The following PXDN variants were observed in gnomAD, a reference collection of about 807,000 sequenced individuals.
PXDN encodes peroxidasin homolog.
A neutral mutation model predicts 140.3 loss-of-function variants in PXDN; 77 were observed. The ratio of observed to expected loss-of-function variants is 0.55; its 90% CI spans 0.46 to 0.66. The LOEUF (loss-of-function observed/expected upper bound fraction) is 0.66. PXDN is among the 30% of genes least tolerant of loss of function. The pLI, the probability that PXDN is intolerant of heterozygous loss-of-function variation, is 0.00. For missense variants in PXDN, 1,838 were observed against 2,039.5 expected (o/e 0.90, Z 1.90); for synonymous variants, 911 against 857.4 (o/e 1.06, Z -1.09).
intron 1 of PXDN, among the ~76,000 whole-genome samples, chr2:1,696,445 GAAACCATAA>G: frequency 6.6e-6 from 1 of 152,004 alleles, no homozygotes; most frequent in East Asian, 1.9e-4. Context: ...AAGACAAAGT[GAAACCATAA>G]AAAAAGAACC....
chr2:1,661,361 C>G (rs764084065), intron 13 of PXDN, among the ~76,000 whole-genome samples: 1 of 152,138 alleles, frequency 6.6e-6, no homozygotes, highest in African/African-American at 2.4e-5. Context: ...GGGGGCCCTA[C>G]AAAGAGACCT....
In PXDN at chr2:1,691,982, T is replaced by G. The variant is rs780263020; in HGVS notation, c.290A>C (p.Gln97Pro). 1 of 1,524,632 alleles carries G rather than the reference T, an allele frequency of 6.6e-7. No homozygotes were observed. Among genetic ancestry groups the G allele is most frequent in the South Asian group, 1.3e-5 (1 of 78,800 alleles). The allele number at this position is 1,524,632 out of a possible 1,614,324, so 94.4% of individuals were successfully genotyped here. A position where few individuals can be genotyped will look rare whatever the true frequency, so the allele number is the denominator to read the frequency against. ...TGCTCCACTAGGTATCCTCTTGATC[T>G]GATTATTATTGAGAAGCCTATGAAA... ...NLNTLLLNNNQIKRIPSGAFE... is the reference protein window; with the variant it reads ...NLNTLLLNNNPIKRIPSGAFE... Residue 97 changes from glutamine (Q) to proline (P), a missense_variant, in exon 3 of 23, where the codon CAG (glutamine) becomes CCG (proline). Gln to Pro is a moderately conservative substitution (Grantham distance 76). Around this residue, in one of 5 missense-constraint regions of PXDN, gnomAD observed 231 missense variants for 201.5 expected, o/e 1.15. Transcript: ENST00000252804.
chr2:1,660,871 G>A lies in PXDN; in HGVS notation c.1837+10C>T. ...ACCATGTGGGTAGATGTGGGCATGTGGCATCTTACCATTCACACTGAGCAC... is the reference window on the plus strand; with the variant it reads ...ACCATGTGGGTAGATGTGGGCATGTAGCATCTTACCATTCACACTGAGCAC... On this transcript the variant is annotated intron_variant, in intron 14 of 22. Transcript: ENST00000252804. The surrounding 1 kb of genome is among the most constrained non-coding windows in gnomAD (Gnocchi z 4.6). 6.2e-7 allele frequency: 1 copy of A among 1,604,590 alleles called. No individual in the cohort carries two copies.
At chr2:1,670,368 T>C (rs1038447854) in intron 9 of PXDN, among the ~76,000 whole-genome samples, 1 of 152,150 alleles carries the variant, frequency 6.6e-6, no homozygotes, top group Admixed American at 6.5e-5. Flanking sequence ...AGATATCATC[T>C]AAGAAAAATC....
At chr2:1,690,182 G>A (rs1029900842) in intron 3 of PXDN, among the ~76,000 whole-genome samples, 5 of 152,178 alleles carry the variant, frequency 3.3e-5, no homozygotes, top group African/African-American at 1.2e-4. Flanking sequence ...GGGTCCCCGG[G>A]CCTCTCTGGA....
chr2:1,717,061 C>T (rs1158772226), intron 1 of PXDN, among the ~76,000 whole-genome samples: 1 of 152,200 alleles, frequency 6.6e-6, no homozygotes, highest in Non-Finnish European at 1.5e-5. Context: ...TTTAACTTGG[C>T]TAAGGTCTGT....
At chr2:1,683,780 G>A (rs1572156890) in intron 5 of PXDN, 53 bp from the exon 6 acceptor site, 1 of 1,391,754 alleles carries the variant, frequency 7.2e-7, no homozygotes, top group East Asian at 2.4e-5. Flanking sequence ...TTCTTAAAAT[G>A]TGTAGAAAAG....
chr2:1,691,829 A>C, intron 3 of PXDN, 99 bp downstream of exon 3: 1 of 725,160 alleles, frequency 1.4e-6, no homozygotes, highest in Non-Finnish European at 2.2e-6. Context: ...TTAAATGAAT[A>C]TATTTACAAT....
At chr2:1,724,448 TGAG>T (rs1685129998) in intron 1 of PXDN, among the ~76,000 whole-genome samples, 1 of 152,058 alleles carries the variant, frequency 6.6e-6, no homozygotes, top group African/African-American at 2.4e-5. Flanking sequence ...TTGTGACCAC[TGAG>T]GAGGTTAGAT....
intron 1 of PXDN, among the ~76,000 whole-genome samples, chr2:1,704,665 G>A (rs905678633): frequency 1.2e-4 from 16 of 131,070 alleles, no homozygotes; most frequent in African/African-American, 4.4e-4. Flanking sequence ...CCAGGTGAAG[G>A]GGGGGCAACT....
intron 21 of PXDN, among the ~76,000 whole-genome samples, chr2:1,638,014 A>C (rs1180321729): frequency 6.6e-6 from 1 of 152,176 alleles, no homozygotes. Context: ...GGGCAGGCAC[A>C]GGAGTAGTCA....
chr2:1,646,257 G>A (rs1339037087), intron 17 of PXDN: 1 of 152,184 alleles, frequency 6.6e-6, no homozygotes, highest in South Asian at 2.1e-4. Context: ...TCAGTGTGTG[G>A]GTAACATCCT....
intron 12 of PXDN, among the ~76,000 whole-genome samples, 196 bp downstream of exon 12, chr2:1,663,409 C>T (rs186149947): frequency 1.3e-5 from 2 of 152,150 alleles, no homozygotes; most frequent in South Asian, 2.1e-4. Flanking sequence ...TGTTTTCACC[C>T]GCTAAAGGGA....
At chr2:1,716,920 CAG>C (rs1233081912) in intron 1 of PXDN, among the ~76,000 whole-genome samples, 7 of 152,184 alleles carry the variant, frequency 4.6e-5, no homozygotes, top group Non-Finnish European at 7.3e-5. Context: ...CACAGCCCAA[CAG>C]GGGCAGAAAA....
chr2:1,649,081 C>A lies in PXDN; in HGVS notation c.2699G>T (p.Arg900Leu). The change falls in exon 17 of 23, where the codon CGG becomes CTG. Residue 900 changes from arginine (R) to leucine (L), a missense_variant. Arg to Leu is a moderately radical substitution (Grantham distance 102). Coordinates refer to ENST00000252804, the MANE Select transcript of PXDN (RefSeq NM_012293.3). This position sits in a 1 kb window ranked among gnomAD's most constrained non-coding sequence, Gnocchi z 7.1. ...GGAGGTGAGCTGGTTGATCTGCTCC[C>A]GCGGGTACACGGAGTTCATGAGCAG... The part of the protein sequence containing the change: ...TSLLMNSVYP[R>L]EQINQLTSYI... 6.2e-7 allele frequency: 1 copy of A among 1,612,646 alleles called. No individual in the cohort carries two copies. The highest frequency in any genetic ancestry group is 8.5e-7 in the Non-Finnish European group (1 of 1,179,754).
intron 19 of PXDN, among the ~76,000 whole-genome samples, chr2:1,641,276 C>T (rs952122347): frequency 1.3e-5 from 2 of 152,124 alleles, no homozygotes; most frequent in African/African-American, 4.8e-5. Flanking sequence ...CTCAGCCTCC[C>T]ATGTAGCTGG....
At chr2:1,741,253 T>C (rs1328051652) in intron 1 of PXDN, among the ~76,000 whole-genome samples, 1 of 152,178 alleles carries the variant, frequency 6.6e-6, no homozygotes, top group Non-Finnish European at 1.5e-5. Context: ...ATACTTTATC[T>C]TTAATACTAG....
Position 1,664,958 on chromosome 2 carries a change from C to T in PXDN, c.1408G>A (p.Gly470Arg). ...PPPVIAWTKG[G>R]SQLSVDRRHL... ...GGCAAAGGGCCGGCCTGGGTCTTAC[C>T]TCCCTTGGTCCAGGCGATGACGGGC... Residue 470 changes from glycine (G) to arginine (R), a missense_variant and splice_region_variant, in exon 11 of 23, where the codon GGG becomes AGG. Coordinates refer to ENST00000252804, the MANE Select transcript of PXDN (RefSeq NM_012293.3). 1.2e-6 allele frequency: 2 copies of T among 1,602,138 alleles called. No individual in the cohort carries two copies. Among genetic ancestry groups the T allele is most frequent in the Non-Finnish European group, 1.7e-6 (2 of 1,170,876 alleles).
chr2:1,718,882 C>T (rs1483780130), intron 1 of PXDN, among the ~76,000 whole-genome samples: 8 of 152,274 alleles, frequency 5.3e-5, no homozygotes, highest in Admixed American at 4.6e-4. Flanking sequence ...CTCCCAGCAC[C>T]TGCCACCAGC....
Sources: allele counts gnomAD v4.1 joint callset (sites outside exome capture counted in the v4.1 genomes callset), GRCh38; gene constraint gnomAD v4.1.1; regional missense constraint gnomAD v4.1.1; non-coding constraint Gnocchi (gnomAD v3.1); transcripts MANE v1.5; gene names NCBI Gene and HGNC (gene_info 2026-07-23, HGNC 2026-07-21).